TTLL9: variants seen among roughly 807,000 people sequenced by gnomAD.
TTLL9 encodes probable tubulin polyglutamylase TTLL9.
TTLL9 carries 47 observed loss-of-function variants against 65.6 expected under a neutral mutation model. The observed-to-expected ratio is 0.72, with a 90% confidence interval of 0.57 to 0.91. The LOEUF (loss-of-function observed/expected upper bound fraction) is 0.91. TTLL9 is among the 40% of genes least tolerant of loss of function. TTLL9 has a pLI of 0.00. For synonymous variants in TTLL9, 179 were observed against 204.8 expected (o/e 0.87, Z 1.07); for missense variants, 537 against 568.8 (o/e 0.94, Z 0.57).
chr20:31,934,980 AGTTGTATAACCTT>A, intron 12 of TTLL9, 92 bp downstream of exon 12: 1 of 1,249,400 alleles, frequency 8.0e-7, no homozygotes, highest in Non-Finnish European at 1.1e-6. Context: ...GCCAATTCCT[AGTTGTATAACCTT>A]GTGCACACTT....
chr20:31,905,421 G>A (rs561698839), intron 4 of TTLL9, among the ~76,000 whole-genome samples: 16 of 152,252 alleles, frequency 1.1e-4, no homozygotes, highest in African/African-American at 2.6e-4. Flanking sequence ...TCTTGAAACC[G>A]TTCTTCCGAA....
In TTLL9 at chr20:31,939,126, C is replaced by T; in HGVS notation, c.1119-16C>T. 6.4e-7 allele frequency: 1 copy of T among 1,561,216 alleles called. No individual in the cohort carries two copies. Among genetic ancestry groups the T allele is most frequent in the Non-Finnish European group, 8.7e-7 (1 of 1,154,016 alleles). On this transcript the variant is annotated splice_polypyrimidine_tract_variant and intron_variant, in intron 13 of 14. Transcript: ENST00000535842. ...GGTGCACCTTCATTAACCCTGTGGG[C>T]CTCCTTCCTGTCCAGGCTCACGGGA...
chr20:31,927,074 C>G (rs2063917920), intron 10 of TTLL9, among the ~76,000 whole-genome samples: 1 of 151,912 alleles, frequency 6.6e-6, no homozygotes, highest in Non-Finnish European at 1.5e-5. Flanking sequence ...GTGATTTTGC[C>G]CCTGTATGCC....
At chr20:31,901,833 A>G (rs2123476194) in intron 4 of TTLL9, among the ~76,000 whole-genome samples, 1 of 152,262 alleles carries the variant, frequency 6.6e-6, no homozygotes, top group Non-Finnish European at 1.5e-5. Flanking sequence ...CTACTGGATC[A>G]CGTGGCGGCT....
rs550063420 is a variant in TTLL9 at position 31,876,030 on chromosome 20, A to G, written c.69+4835A>G. Among the ~76,000 whole-genome samples the G allele has an allele frequency of 2.0e-5, 3 of 152,378 alleles. No homozygotes were observed. The East Asian group carries it at 5.8e-4, about 29-fold the overall frequency. On this transcript the variant is annotated intron_variant, in intron 2 of 14. Transcript: ENST00000535842. ...TTATATGTGTTTATAATTAACACAA[A>G]TGGTAACCTTTAAAAAACATTTCTC...
rs2064264307 is a variant in TTLL9, at chr20:31,943,699, G to A, written c.*678G>A. 4 of 456,572 alleles carry A rather than the reference G, an allele frequency of 8.8e-6. No homozygotes were observed. The highest frequency in any genetic ancestry group is 1.3e-5 in the Non-Finnish European group (3 of 226,952). The allele number at this position is 456,572 out of a possible 1,614,324, so 28.3% of individuals were successfully genotyped here. A position where few individuals can be genotyped will look rare whatever the true frequency, so the allele number is the denominator to read the frequency against. ...GGACAAGACAGACCAGGGAGGCAGA[G>A]CTTAGTGAGGGTCTCTGCAAAGGTG... On this transcript the variant is annotated 3_prime_UTR_variant, in exon 15 of 15. Coordinates refer to ENST00000535842, the MANE Select transcript of TTLL9 (RefSeq NM_001008409.5).
chr20:31,909,336 G>A (rs1170702391), intron 5 of TTLL9, among the ~76,000 whole-genome samples: 1 of 151,826 alleles, frequency 6.6e-6, no homozygotes, highest in Non-Finnish European at 1.5e-5. Context: ...TAGAGATGGG[G>A]TTTCATCATG....
At chr20:31,907,378 G>A (rs1282215510) in intron 4 of TTLL9, among the ~76,000 whole-genome samples, 3 of 152,178 alleles carry the variant, frequency 2.0e-5, no homozygotes, top group Non-Finnish European at 2.9e-5. Context: ...GACAAACAAC[G>A]CCATGTGCCA....
At chr20:31,878,400 G>A (rs184799592) in intron 2 of TTLL9, among the ~76,000 whole-genome samples, 10 of 152,374 alleles carry the variant, frequency 6.6e-5, no homozygotes, top group Non-Finnish European at 1.3e-4. Context: ...AAAGCTGTTT[G>A]TGGACTTTAA....
chr20:31,920,940 G>A (rs1046783138), intron 7 of TTLL9, among the ~76,000 whole-genome samples: 6 of 152,370 alleles, frequency 3.9e-5, no homozygotes, highest in Admixed American at 3.9e-4. Flanking sequence ...CAACCTGCGA[G>A]GTGCTGTGCA....
At chr20:31,925,766 A>T in intron 9 of TTLL9, 1 of 1,001,346 alleles carries the variant, frequency 1.0e-6, no homozygotes, top group South Asian at 1.5e-5. Context: ...GAAAGACATA[A>T]GGGCACTCCG....
At chr20:31,919,696 G>T (rs1020562719) in intron 6 of TTLL9, among the ~76,000 whole-genome samples, 168 bp from the exon 7 acceptor site, 1 of 152,078 alleles carries the variant, frequency 6.6e-6, no homozygotes, top group Non-Finnish European at 1.5e-5. Flanking sequence ...CCTCTGCCAG[G>T]GTTAGCACCT....
chr20:31,892,093 A>T (rs2123441464), intron 3 of TTLL9, among the ~76,000 whole-genome samples: 1 of 152,010 alleles, frequency 6.6e-6, no homozygotes, highest in South Asian at 2.1e-4. Context: ...ATGAGCCACC[A>T]TGCCTGGCCT....
Position 31,939,129 on chromosome 20 carries a change from C to T in TTLL9, c.1119-13C>T, listed in dbSNP as rs1292053203. 2.6e-6 allele frequency: 4 copies of T among 1,563,710 alleles called. No homozygotes were observed. Among genetic ancestry groups the T allele is most frequent in the Non-Finnish European group, 3.5e-6 (4 of 1,155,338 alleles). ...GCACCTTCATTAACCCTGTGGGCCT[C>T]CTTCCTGTCCAGGCTCACGGGAAGG... On this transcript the variant is annotated splice_polypyrimidine_tract_variant and intron_variant, in intron 13 of 14. Coordinates refer to ENST00000535842, the MANE Select transcript of TTLL9 (RefSeq NM_001008409.5).
chr20:31,890,161 CTTTCT>C lies in TTLL9; in HGVS notation c.113+2925_113+2929del, dbSNP rs2063282817. On this transcript the variant is annotated intron_variant, in intron 3 of 14. Coordinates refer to ENST00000535842, the MANE Select transcript of TTLL9 (RefSeq NM_001008409.5). Reference sequence around the variant, plus strand: ...TCCTTCCTTCCTTCCTTCCTTCTTTCTTTCTTTCTTTCTTTCTTTCTTTCTTTCTT... The same window carrying C: ...TCCTTCCTTCCTTCCTTCCTTCTTTCTTCTTTCTTTCTTTCTTTCTTTCTT... 7.3e-5 allele frequency among the ~76,000 whole-genome samples: 8 copies of C among 110,002 alleles called. No homozygotes were observed. In the South Asian group the frequency reaches 1.2e-3, roughly 17 times the overall value. 72.2% of individuals were successfully genotyped at this position (110,002 alleles called of 152,430 possible).
intron 10 of TTLL9, among the ~76,000 whole-genome samples, chr20:31,932,470 T>TAAAAAAAAAAAAAA (rs2064033915): frequency 3.5e-5 from 2 of 56,548 alleles, no homozygotes; most frequent in African/African-American, 3.1e-4. Context: ...AGACCCTGTC[T>TAAAAAAAAAAAAAA]CAAAAAAAAA....
At chr20:31,886,217 C>T (rs2063185383) in intron 2 of TTLL9, among the ~76,000 whole-genome samples, 2 of 152,188 alleles carry the variant, frequency 1.3e-5, no homozygotes. Flanking sequence ...TCATTTTAAG[C>T]CACTGATTTT....
intron 6 of TTLL9, among the ~76,000 whole-genome samples, chr20:31,911,477 G>A (rs1177663203): frequency 6.6e-6 from 1 of 152,214 alleles, no homozygotes; most frequent in African/African-American, 2.4e-5. Context: ...ACTGACATGG[G>A]GCTGACAAAA....
At chr20:31,879,889 C>G in intron 2 of TTLL9, 6 of 1,550,354 alleles carry the variant, frequency 3.9e-6, no homozygotes, top group Non-Finnish European at 5.2e-6. Flanking sequence ...CGTTATGTCG[C>G]GACCGAAGGT....
Sources: gnomAD v4.1 joint callset for allele counts (sites outside exome capture counted in the v4.1 genomes callset) on GRCh38, gnomAD v4.1.1 for gene constraint, MANE v1.5 for transcripts, NCBI Gene and HGNC (gene_info 2026-07-23, HGNC 2026-07-21) for gene names.